The following YEATS2 variants were observed in gnomAD, a reference collection of about 807,000 sequenced individuals.
YEATS2 encodes the protein YEATS domain containing 2, also known as YEATS domain-containing protein 2.
YEATS2 carries 77 observed loss-of-function variants against 163.2 expected under a neutral mutation model. That is an observed-to-expected ratio of 0.47 (90% CI 0.39 to 0.57). The LOEUF (loss-of-function observed/expected upper bound fraction) is 0.57. YEATS2 is among the 20% of genes least tolerant of loss of function. YEATS2 has a pLI of 0.00. For synonymous variants in YEATS2, 631 were observed against 645.1 expected, an observed-to-expected ratio of 0.98 and a Z score of 0.33; for missense variants, 1,549 against 1,729.8, an observed-to-expected ratio of 0.90 and a Z score of 1.85.
intron 10 of YEATS2, among the ~76,000 whole-genome samples, chr3:183,753,673 G>A (rs1720416205): frequency 6.6e-6 from 1 of 152,120 alleles, no homozygotes; most frequent in Admixed American, 6.6e-5. Context: ...GCTTGAACCC[G>A]GGAGGTGGAG....
intron 11 of YEATS2, among the ~76,000 whole-genome samples, chr3:183,755,466 C>T (rs1045182724): frequency 6.6e-6 from 1 of 152,130 alleles, no homozygotes; most frequent in Non-Finnish European, 1.5e-5. Context: ...GAACTTGCTA[C>T]TTCAGAGGTG....
chr3:183,743,731 T>A (rs531776235), intron 8 of YEATS2, among the ~76,000 whole-genome samples: 5 of 152,298 alleles, frequency 3.3e-5, no homozygotes, highest in African/African-American at 1.2e-4. Context: ...GTACATTTTC[T>A]CTACATGTGA....
intron 1 of YEATS2, among the ~76,000 whole-genome samples, chr3:183,711,532 A>G (rs1018775603): frequency 6.6e-6 from 1 of 152,152 alleles, no homozygotes; most frequent in Non-Finnish European, 1.5e-5. Context: ...GGCCTGTCCA[A>G]AAATAGTCAT....
intron 27 of YEATS2, among the ~76,000 whole-genome samples, chr3:183,804,798 T>A (rs563714005): frequency 6.6e-6 from 1 of 151,242 alleles, no homozygotes; most frequent in East Asian, 2.0e-4. Context: ...CCATCTTGGC[T>A]AACACACTGA....
chr3:183,793,531 G>A, intron 21 of YEATS2: 3 of 776,212 alleles, frequency 3.9e-6, no homozygotes, highest in South Asian at 5.8e-5. Flanking sequence ...GCATGCAATA[G>A]ATGAAGTCTC....
chr3:183,701,028 T>G (rs1431645041), intron 1 of YEATS2, among the ~76,000 whole-genome samples: 2 of 151,532 alleles, frequency 1.3e-5, no homozygotes, highest in Non-Finnish European at 2.9e-5. Context: ...TTGCACTCTT[T>G]TAACTGGTGT....
intron 11 of YEATS2, 102 bp from the exon 12 acceptor site, chr3:183,756,426 C>A (rs1720771681): frequency 8.7e-7 from 1 of 1,151,448 alleles, no homozygotes; most frequent in African/African-American, 1.6e-5. Flanking sequence ...CAATTTGTTA[C>A]CTTTGTCCTG....
At chr3:183,805,308 A>G (rs1312626297) in intron 27 of YEATS2, among the ~76,000 whole-genome samples, 1 of 151,180 alleles carries the variant, frequency 6.6e-6, no homozygotes, top group East Asian at 2.0e-4. Flanking sequence ...CTAAGGTGAG[A>G]GGGATCACTT....
intron 8 of YEATS2, among the ~76,000 whole-genome samples, chr3:183,744,539 A>G (rs150539451): frequency 8.5e-5 from 13 of 152,348 alleles, no homozygotes; most frequent in African/African-American, 3.1e-4. Flanking sequence ...TACATTGTAC[A>G]TATTACTTAG....
At chr3:183,773,597 A>G (rs769884010) in intron 16 of YEATS2, 36 bp from the exon 17 acceptor site, 4 of 1,553,704 alleles carry the variant, frequency 2.6e-6, no homozygotes, top group Non-Finnish European at 3.5e-6. Flanking sequence ...CTTAGTTTCA[A>G]TTTATCTTAC....
At chr3:183,793,162 T>C (rs750273479) in intron 21 of YEATS2, 21 of 1,287,726 alleles carry the variant, frequency 1.6e-5, no homozygotes, top group South Asian at 9.9e-5. Context: ...CCGGAAAAAC[T>C]GAATATCACC....
intron 18 of YEATS2, among the ~76,000 whole-genome samples, chr3:183,776,935 A>AG (rs1211888366): frequency 6.6e-6 from 1 of 151,320 alleles, no homozygotes; most frequent in African/African-American, 2.4e-5. Flanking sequence ...CTGGGGGAAA[A>AG]GGGTGAGACT....
intron 19 of YEATS2, among the ~76,000 whole-genome samples, chr3:183,785,244 T>G (rs141705935): frequency 7.2e-5 from 11 of 151,998 alleles, no homozygotes; most frequent in African/African-American, 2.4e-4. Flanking sequence ...TCCCAGCATT[T>G]TGGGAGGCTG....
intron 1 of YEATS2, among the ~76,000 whole-genome samples, chr3:183,710,181 C>T (rs1159546684): frequency 6.6e-6 from 1 of 152,148 alleles, no homozygotes; most frequent in East Asian, 1.9e-4. Context: ...GATTCAGAAG[C>T]TATAGAGGAT....
chr3:183,698,461 G>C (rs1395776203), intron 1 of YEATS2, among the ~76,000 whole-genome samples: 1 of 152,180 alleles, frequency 6.6e-6, no homozygotes, highest in Non-Finnish European at 1.5e-5. Flanking sequence ...GATGGGGCCG[G>C]GGCCAACGCG....
At position 183,724,547 on chromosome 3, in the gene YEATS2, AATT is replaced by A. The variant is rs771561499; in HGVS notation, c.650+17_650+19del. On this transcript the variant is annotated intron_variant, in intron 6 of 30. Coordinates refer to ENST00000305135, the MANE Select transcript of YEATS2 (RefSeq NM_018023.5). Reference sequence around the variant, plus strand: ...ATGTGTCCAAGTGAGTATCCAGTTGAATTTATTTTTATTTGTCCATTTGTGTTA... The same window carrying A: ...ATGTGTCCAAGTGAGTATCCAGTTGATATTTTTATTTGTCCATTTGTGTTA... The A allele has an allele frequency of 9.0e-6, 14 of 1,560,212 alleles. No individual in the cohort carries two copies. The East Asian group carries it at 3.2e-4, about 35-fold the overall frequency.
rs141065141 is a variant in YEATS2 at position 183,767,450 on chromosome 3, G to A, written c.1948-4855G>A. Among the ~76,000 whole-genome samples, 71 of 151,508 alleles carry A rather than the reference G, an allele frequency of 4.7e-4. 1 individual carries two copies. Among genetic ancestry groups the A allele is most frequent in the African/African-American group, 1.7e-3 (70 of 41,292 alleles). On this transcript the variant is annotated intron_variant, in intron 15 of 30. Coordinates refer to ENST00000305135, the MANE Select transcript of YEATS2 (RefSeq NM_018023.5). ...GGCTGGAGAGCAGTGGCGCCATCTC[G>A]GCTCACTACAACCTCCGCCTCTTGG...
At chr3:183,712,426 G>T (rs1352595472) in intron 1 of YEATS2, among the ~76,000 whole-genome samples, 3 of 151,774 alleles carry the variant, frequency 2.0e-5, no homozygotes, top group Non-Finnish European at 4.4e-5. Context: ...GGCCAGCCTG[G>T]TCTTGAACTC....
chr3:183,749,337 G>A (rs894396300), intron 9 of YEATS2, among the ~76,000 whole-genome samples: 4 of 152,150 alleles, frequency 2.6e-5, no homozygotes, highest in East Asian at 3.9e-4. Flanking sequence ...GTGGCATTAA[G>A]TATATTCACA....
Sources: gnomAD v4.1 joint callset for allele counts (sites outside exome capture counted in the v4.1 genomes callset) on GRCh38, gnomAD v4.1.1 for gene constraint, MANE v1.5 for transcripts, NCBI Gene and HGNC (gene_info 2026-07-23, HGNC 2026-07-21) for gene names.